The following GPHN variants were observed in gnomAD, a reference collection of about 807,000 sequenced individuals.
GPHN encodes the protein gephyrin.
Under a neutral mutation model 95.5 loss-of-function variants are expected in GPHN, and 17 were observed. The ratio of observed to expected loss-of-function variants is 0.18; its 90% CI spans 0.12 to 0.27. The LOEUF (loss-of-function observed/expected upper bound fraction) is 0.27. Ranked by LOEUF, GPHN falls within the 10% of genes least tolerant of loss-of-function variation. The pLI, the probability that GPHN is intolerant of heterozygous loss-of-function variation, is 1.00. For missense variants in GPHN, 660 were observed against 978.1 expected, an observed-to-expected ratio of 0.67 and a Z score of 4.34; for synonymous variants, 320 against 322.5, an observed-to-expected ratio of 0.99 and a Z score of 0.08.
At chr14:66,555,649 G>A (rs1026212565) in intron 1 of GPHN, among the ~76,000 whole-genome samples, 1 of 152,024 alleles carries the variant, frequency 6.6e-6, no homozygotes, top group Non-Finnish European at 1.5e-5. Context: ...CTGTGAAATA[G>A]AACTGTTATC....
intron 1 of GPHN, among the ~76,000 whole-genome samples, chr14:66,558,515 AT>A (rs892943553): frequency 6.6e-6 from 1 of 152,014 alleles, no homozygotes; most frequent in African/African-American, 2.4e-5. Flanking sequence ...ACCCCTGTAT[AT>A]TTTTTTATGT....
chr14:66,682,016 A>G (rs902020806), intron 2 of GPHN, among the ~76,000 whole-genome samples: 8 of 152,208 alleles, frequency 5.3e-5, no homozygotes, highest in African/African-American at 1.9e-4. Flanking sequence ...GGAGTCACTA[A>G]TAAGTCATTG....
At chr14:66,720,096 A>G (rs1595681237) in intron 2 of GPHN, among the ~76,000 whole-genome samples, 2 of 152,180 alleles carry the variant, frequency 1.3e-5, no homozygotes, top group East Asian at 1.9e-4. Flanking sequence ...TATCTGCTCA[A>G]TGGATCATTA....
intron 1 of GPHN, among the ~76,000 whole-genome samples, chr14:66,581,204 C>T (rs1333133863): frequency 3.4e-5 from 5 of 147,606 alleles, no homozygotes; most frequent in Non-Finnish European, 7.4e-5. Context: ...TAACGTCATA[C>T]TCAACAGTAG....
intron 4 of GPHN, among the ~76,000 whole-genome samples, chr14:66,874,452 A>T (rs1308477556): frequency 6.6e-6 from 1 of 151,928 alleles, no homozygotes; most frequent in African/African-American, 2.4e-5. Flanking sequence ...GTAATAAAAA[A>T]CTCCTCCGAG....
chr14:67,364,845 C>G, the GPHN span: 1 of 1,613,922 alleles, frequency 6.2e-7, no homozygotes, highest in Non-Finnish European at 8.5e-7. Context: ...ATGTCAGATC[C>G]ATTGCTGAAA....
At position 66,576,647 on chromosome 14, in the gene GPHN, G is replaced by A. The variant is rs141777131; in HGVS notation, c.64+68056G>A. On this transcript the variant is annotated intron_variant, in intron 1 of 22. Transcript: ENST00000478722. ...TATGCACAATCTAAGTTTATTTGGG[G>A]GATTTGGTGGGGTAGGAAATTTTGG... Among the ~76,000 whole-genome samples, 502 of 152,182 alleles carry A rather than the reference G, an allele frequency of 3.3e-3. 1 individual carries two copies. The highest frequency in any genetic ancestry group is 0.012 in the African/African-American group (487 of 41,506).
chr14:67,625,664 G>C, the GPHN span, among the ~76,000 whole-genome samples: 110 of 102,294 alleles, frequency 1.1e-3, no homozygotes, highest in Non-Finnish European at 1.7e-3. Flanking sequence ...TGGGCAACGA[G>C]AGCAAAACTC....
At chr14:66,553,306 G>C (rs185907496) in intron 1 of GPHN, among the ~76,000 whole-genome samples, 1 of 152,146 alleles carries the variant, frequency 6.6e-6, no homozygotes, top group Non-Finnish European at 1.5e-5. Context: ...CTTCTTAAAA[G>C]TTGGTGTTTT....
chr14:67,001,144 G>A (rs1001359747), intron 9 of GPHN, among the ~76,000 whole-genome samples: 3 of 151,490 alleles, frequency 2.0e-5, no homozygotes, highest in African/African-American at 7.2e-5. Flanking sequence ...ATGTATCTTT[G>A]AGAGAGAAAG....
intron 9 of GPHN, among the ~76,000 whole-genome samples, chr14:66,971,329 G>A (rs1422882973): frequency 6.6e-6 from 1 of 151,978 alleles, no homozygotes. Flanking sequence ...ACTCCATCTA[G>A]CTAGAAATAA....
At chr14:67,649,484 G>A in the GPHN span, 2 of 152,042 alleles carry the variant, frequency 1.3e-5, no homozygotes, top group Non-Finnish European at 2.9e-5. Context: ...AATTTATAGG[G>A]TGGCAATAGT....
chr14:66,656,579 A>G (rs942235082), intron 1 of GPHN, among the ~76,000 whole-genome samples: 1 of 151,806 alleles, frequency 6.6e-6, no homozygotes, highest in Admixed American at 6.6e-5. Context: ...TGTCAGTGCC[A>G]TTTTTTCAAC....
At position 66,897,183 on chromosome 14, in the gene GPHN, T is replaced by G. The variant is rs371667931; in HGVS notation, c.389+17150T>G. On this transcript the variant is annotated intron_variant, in intron 5 of 22. Transcript: ENST00000478722. ...ACAAAACTATAGTACAAAATTACAG[T>G]TGGATGTTGACATTGATAACATCAT... 5.3e-5 allele frequency among the ~76,000 whole-genome samples: 8 copies of G among 152,280 alleles called. No homozygotes were observed. The East Asian group carries it at 1.5e-3, about 29-fold the overall frequency.
chr14:67,564,951 A>G, the GPHN span, among the ~76,000 whole-genome samples: 1 of 152,204 alleles, frequency 6.6e-6, no homozygotes, highest in Non-Finnish European at 1.5e-5. Flanking sequence ...TTGACCTCCC[A>G]AAGTGCTGGG....
At chr14:66,995,486 G>A (rs1405217709) in intron 9 of GPHN, among the ~76,000 whole-genome samples, 2 of 152,092 alleles carry the variant, frequency 1.3e-5, no homozygotes, top group Non-Finnish European at 2.9e-5. Flanking sequence ...CTTTCTGATT[G>A]TAAGCTTTAA....
the GPHN span, among the ~76,000 whole-genome samples, chr14:67,554,268 A>G: frequency 6.6e-6 from 1 of 152,188 alleles, no homozygotes; most frequent in African/African-American, 2.4e-5. Flanking sequence ...TAAGGAAAGC[A>G]GAATTTCAGC....
chr14:66,596,091 C>T (rs1407648979), intron 1 of GPHN, among the ~76,000 whole-genome samples: 1 of 152,002 alleles, frequency 6.6e-6, no homozygotes, highest in Non-Finnish European at 1.5e-5. Flanking sequence ...GCAGGTTGTC[C>T]CATCATCTGC....
chr14:67,364,622 TAAG>T, the GPHN span: 3 of 776,518 alleles, frequency 3.9e-6, no homozygotes, highest in African/African-American at 1.8e-5. Flanking sequence ...TGGTACCACT[TAAG>T]AAGTTTCAAA....
Sources: allele counts gnomAD v4.1 joint callset (sites outside exome capture counted in the v4.1 genomes callset), GRCh38; gene constraint gnomAD v4.1.1; transcripts MANE v1.5; gene names NCBI Gene and HGNC (gene_info 2026-07-23, HGNC 2026-07-21).